PMFBP1: variants seen among roughly 807,000 people sequenced by gnomAD.
PMFBP1 encodes polyamine modulated factor 1 binding protein 1.
A neutral mutation model predicts 137.8 loss-of-function variants in PMFBP1; 131 were observed. The observed-to-expected ratio is 0.95, with a 90% CI of 0.82 to 1.10. The LOEUF (loss-of-function observed/expected upper bound fraction) is 1.10. Ranked by LOEUF, PMFBP1 falls within the 50% of genes least tolerant of loss-of-function variation. The pLI is 0.00. For missense variants in PMFBP1, 1,199 were observed against 1,175.4 expected, an observed-to-expected ratio of 1.02 and a Z score of -0.29; for synonymous variants, 490 against 450.4, an observed-to-expected ratio of 1.09 and a Z score of -1.11.
downstream of PMFBP1, among the ~76,000 whole-genome samples, chr16:72,117,765 G>C (rs1472972951): frequency 6.6e-6 from 1 of 152,028 alleles, no homozygotes; most frequent in African/African-American, 2.4e-5. Context: ...TCAGCTGTTC[G>C]AACTACTTTT....
the PMFBP1 span, among the ~76,000 whole-genome samples, chr16:72,218,853 A>G: frequency 0.35 from 52,446 of 151,954 alleles, 9,250 homozygotes; most frequent in South Asian, 0.43. Flanking sequence ...CAATTGTTCT[A>G]TGGGGTATGG....
chr16:72,161,827 T>C (rs939945388), intron 3 of PMFBP1, among the ~76,000 whole-genome samples: 1 of 152,074 alleles, frequency 6.6e-6, no homozygotes, highest in African/African-American at 2.4e-5. Context: ...CAGTGAAATA[T>C]TTTTTTTCAT....
At chr16:72,156,097 A>G (rs932351436) in intron 3 of PMFBP1, among the ~76,000 whole-genome samples, 1 of 151,996 alleles carries the variant, frequency 6.6e-6, no homozygotes, top group Non-Finnish European at 1.5e-5. Context: ...AGTGATTCTA[A>G]TGCCTCAGCC....
chr16:72,248,720 T>C, the PMFBP1 span, among the ~76,000 whole-genome samples: 5 of 152,216 alleles, frequency 3.3e-5, no homozygotes, highest in Admixed American at 3.3e-4. Flanking sequence ...TTCTGGTTCA[T>C]TCCAGAGTGG....
chr16:72,206,804 T>C, the PMFBP1 span, among the ~76,000 whole-genome samples: 1 of 152,222 alleles, frequency 6.6e-6, no homozygotes, highest in Non-Finnish European at 1.5e-5. Context: ...AGGAAATGCT[T>C]ACCTCCCTAA....
chr16:72,120,659 G>A (rs1448770498), intron 19 of PMFBP1, among the ~76,000 whole-genome samples: 1 of 152,220 alleles, frequency 6.6e-6, no homozygotes, highest in African/African-American at 2.4e-5. Context: ...TAGAGGAGAG[G>A]AAAGATAATT....
intron 3 of PMFBP1, among the ~76,000 whole-genome samples, chr16:72,159,525 T>A (rs2043030207): frequency 6.6e-6 from 1 of 152,228 alleles, no homozygotes; most frequent in African/African-American, 2.4e-5. Flanking sequence ...ATCCAAGGAC[T>A]GCTTCTATCT....
At chr16:72,234,463 A>T in the PMFBP1 span, among the ~76,000 whole-genome samples, 1 of 152,138 alleles carries the variant, frequency 6.6e-6, no homozygotes, top group Non-Finnish European at 1.5e-5. Context: ...TTAGAGAATT[A>T]AGATGCTAAT....
chr16:72,195,743 G>C, the PMFBP1 span, among the ~76,000 whole-genome samples: 1 of 152,252 alleles, frequency 6.6e-6, no homozygotes, highest in African/African-American at 2.4e-5. Context: ...GGAAAAGCTT[G>C]TACTTAAACC....
the PMFBP1 span, among the ~76,000 whole-genome samples, chr16:72,221,681 C>T: frequency 1.3e-5 from 2 of 152,140 alleles, no homozygotes; most frequent in Non-Finnish European, 2.9e-5. Context: ...TGTTTAAACT[C>T]TTCTGACCAG....
At chr16:72,183,707 A>G in the PMFBP1 span, among the ~76,000 whole-genome samples, 2 of 152,124 alleles carry the variant, frequency 1.3e-5, no homozygotes, top group Non-Finnish European at 2.9e-5. Context: ...TAAACCCATA[A>G]CAGTAGTTAC....
At chr16:72,230,795 C>T in the PMFBP1 span, among the ~76,000 whole-genome samples, 1 of 152,134 alleles carries the variant, frequency 6.6e-6, no homozygotes, top group Non-Finnish European at 1.5e-5. Context: ...TTATTTCTTG[C>T]CTGGATTAAC....
chr16:72,173,265 T>C (rs1596984116), upstream of PMFBP1, among the ~76,000 whole-genome samples: 1 of 152,354 alleles, frequency 6.6e-6, no homozygotes, highest in East Asian at 1.9e-4. Flanking sequence ...AACTATGAAC[T>C]CACCCAAGTA....
At chr16:72,182,843 C>T in the PMFBP1 span, among the ~76,000 whole-genome samples, 1 of 152,204 alleles carries the variant, frequency 6.6e-6, no homozygotes, top group Non-Finnish European at 1.5e-5. Flanking sequence ...CTTTGCCCCT[C>T]ACATACTCTC....
chr16:72,246,992 T>C, the PMFBP1 span, among the ~76,000 whole-genome samples: 1 of 152,164 alleles, frequency 6.6e-6, no homozygotes, highest in Non-Finnish European at 1.5e-5. Flanking sequence ...ACAAGCAAAA[T>C]GCTCTGACAC....
chr16:72,151,849 T>C (rs2042906976), intron 4 of PMFBP1, among the ~76,000 whole-genome samples: 1 of 152,172 alleles, frequency 6.6e-6, no homozygotes, highest in Non-Finnish European at 1.5e-5. Context: ...TATTCAACTC[T>C]GCCTGAGGGC....
the PMFBP1 span, among the ~76,000 whole-genome samples, chr16:72,198,877 A>G: frequency 6.7e-6 from 1 of 149,046 alleles, no homozygotes; most frequent in Non-Finnish European, 1.5e-5. Context: ...ATCACAGAAC[A>G]CTCATTTCAA....
At chr16:72,147,848 G>A (rs2042836003) in intron 5 of PMFBP1, among the ~76,000 whole-genome samples, 1 of 152,118 alleles carries the variant, frequency 6.6e-6, no homozygotes, top group Admixed American at 6.6e-5. Flanking sequence ...TTAGAATGGT[G>A]ATCATTAAAA....
chr16:72,211,724 G>T, the PMFBP1 span, among the ~76,000 whole-genome samples: 1 of 152,230 alleles, frequency 6.6e-6, no homozygotes, highest in Non-Finnish European at 1.5e-5. Flanking sequence ...GCCCGGCATA[G>T]TGGCTCATGC....
Sources: gnomAD v4.1 joint callset for allele counts (sites outside exome capture counted in the v4.1 genomes callset) on GRCh38, gnomAD v4.1.1 for gene constraint, MANE v1.5 for transcripts, NCBI Gene and HGNC (gene_info 2026-07-23, HGNC 2026-07-21) for gene names.